The following DNAH6 variants were observed in gnomAD, a reference collection of about 807,000 sequenced individuals.
DNAH6 encodes the protein dynein axonemal heavy chain 6.
Under a neutral mutation model 491.4 loss-of-function variants are expected in DNAH6, and 340 were observed. That is an observed-to-expected ratio of 0.69 (90% CI 0.63 to 0.76). DNAH6 has a LOEUF of 0.76. Ranked by LOEUF, DNAH6 falls within the 30% of genes least tolerant of loss-of-function variation. The probability of loss-of-function intolerance (pLI) is 0.00; values close to 1 mark genes in which losing one functional copy is unlikely to be tolerated. For synonymous variants in DNAH6, 1,603 were observed against 1,686.1 expected (o/e 0.95, Z 1.21); for missense variants, 4,443 against 4,972.2 (o/e 0.89, Z 3.20).
At chr2:84,496,837 T>G in the DNAH6 span, among the ~76,000 whole-genome samples, 1 of 152,094 alleles carries the variant, frequency 6.6e-6, no homozygotes, top group Non-Finnish European at 1.5e-5. Flanking sequence ...TCCCCAAAAT[T>G]TTCTTGTTCC....
chr2:84,704,430 T>C (rs1478445346), intron 51 of DNAH6, 128 bp downstream of exon 51: 2 of 712,722 alleles, frequency 2.8e-6, no homozygotes, highest in Non-Finnish European at 4.6e-6. Flanking sequence ...ATTCAACAAA[T>C]TGATTCAAGG....
intron 42 of DNAH6, 30 bp from the exon 43 acceptor site, chr2:84,685,296 C>CTTT: frequency 3.7e-6 from 4 of 1,075,812 alleles, no homozygotes; most frequent in South Asian, 2.0e-5. Context: ...TAGAATTTTT[C>CTTT]TTTTTTTTTT....
rs146719226 is a variant in DNAH6 at position 84,741,404 on chromosome 2, A to G, written c.10343-3676A>G. Among the ~76,000 whole-genome samples the G allele has an allele frequency of 2.1e-3, 321 of 152,200 alleles. 3 individuals carry two copies. Among genetic ancestry groups the G allele is most frequent in the African/African-American group, 7.5e-3 (310 of 41,536 alleles). On this transcript the variant is annotated intron_variant, in intron 62 of 76. Coordinates refer to ENST00000389394, the MANE Select transcript of DNAH6 (RefSeq NM_001370.2). Reference sequence around the variant, plus strand: ...CAGAGCTGTGAGTATTGTCCTAGGTATGAGTAGGATGACCTGGTCTCCCTG... The same window carrying G: ...CAGAGCTGTGAGTATTGTCCTAGGTGTGAGTAGGATGACCTGGTCTCCCTG...
chr2:84,544,551 G>A, intron 5 of DNAH6, 51 bp downstream of exon 5: 1 of 1,071,886 alleles, frequency 9.3e-7, no homozygotes, highest in Non-Finnish European at 1.3e-6. Flanking sequence ...AAAAAAGAAA[G>A]TGTGAATCTA....
At chr2:84,810,783 C>A (rs1465111332) in intron 72 of DNAH6, among the ~76,000 whole-genome samples, 2 of 152,164 alleles carry the variant, frequency 1.3e-5, no homozygotes, top group Non-Finnish European at 2.9e-5. Context: ...ACAAGGCCAC[C>A]CTGTGTAGGC....
chr2:84,740,930 A>T (rs990545446), intron 62 of DNAH6, among the ~76,000 whole-genome samples: 22 of 152,164 alleles, frequency 1.4e-4, no homozygotes, highest in Non-Finnish European at 2.8e-4. Flanking sequence ...CAGAACAAGC[A>T]CTTTAATCTC....
intron 18 of DNAH6, among the ~76,000 whole-genome samples, chr2:84,598,177 T>TTCTTTCTTTCTTTCTC (rs1423135800): frequency 2.7e-5 from 2 of 75,454 alleles, no homozygotes; most frequent in Non-Finnish European, 6.7e-5. Flanking sequence ...CTTTCTTTCT[T>TTCTTTCTTTCTTTCTC]TCTCTCTTTC....
At chr2:84,502,012 C>T in the DNAH6 span, among the ~76,000 whole-genome samples, 89 of 151,842 alleles carry the variant, frequency 5.9e-4, no homozygotes, top group Non-Finnish European at 1.1e-3. Flanking sequence ...TTGTCTTCTT[C>T]GTTACAATTT....
intron 11 of DNAH6, among the ~76,000 whole-genome samples, chr2:84,558,299 G>A (rs554171866): frequency 1.3e-5 from 2 of 151,930 alleles, no homozygotes; most frequent in Admixed American, 6.5e-5. Flanking sequence ...GTGGTGGCGG[G>A]TGCCTGTAGT....
intron 60 of DNAH6, among the ~76,000 whole-genome samples, chr2:84,724,017 C>T (rs1307553446): frequency 6.6e-6 from 1 of 152,186 alleles, no homozygotes; most frequent in Non-Finnish European, 1.5e-5. Context: ...CTCAGCCCAC[C>T]CGACCAAAGC....
intron 18 of DNAH6, 84 bp downstream of exon 18, chr2:84,595,873 C>T: frequency 2.2e-6 from 3 of 1,336,710 alleles, no homozygotes. Flanking sequence ...AGGAATTTTT[C>T]CCTGATTAAG....
At chr2:84,504,657 ATAG>A in the DNAH6 span, among the ~76,000 whole-genome samples, 3 of 152,206 alleles carry the variant, frequency 2.0e-5, no homozygotes, top group African/African-American at 7.2e-5. Context: ...TTGCAGACTC[ATAG>A]AGGTACCTCC....
chr2:84,815,426 A>G (rs1386102083), intron 75 of DNAH6, among the ~76,000 whole-genome samples: 1 of 152,054 alleles, frequency 6.6e-6, no homozygotes, highest in Non-Finnish European at 1.5e-5. Flanking sequence ...ATCACATCAC[A>G]GGAATCTGAT....
At chr2:84,713,442 C>T (rs1697240742) in intron 57 of DNAH6, among the ~76,000 whole-genome samples, 183 bp downstream of exon 57, 1 of 152,208 alleles carries the variant, frequency 6.6e-6, no homozygotes. Flanking sequence ...GATTCTGATT[C>T]CAATCACCCT....
At chr2:84,539,646 T>C (rs1206719091) in intron 4 of DNAH6, among the ~76,000 whole-genome samples, 3 of 152,140 alleles carry the variant, frequency 2.0e-5, no homozygotes, top group African/African-American at 7.2e-5. Flanking sequence ...CCCTAGATGA[T>C]TTAACAGGCC....
In DNAH6 at chr2:84,680,983, A is replaced by G. The variant is rs185987779; in HGVS notation, c.6745-374A>G. On this transcript the variant is annotated intron_variant, in intron 41 of 76. Transcript: ENST00000389394. ...AAAATATACATGAAGATGAAAGTCT[A>G]TGAGAGTGGTGGTCATTCATCCATA... Among the ~76,000 whole-genome samples the G allele has an allele frequency of 4.5e-3, 679 of 152,268 alleles. 4 individuals are homozygous for G. The highest frequency in any genetic ancestry group is 6.8e-3 in the Middle Eastern group (2 of 294).
the DNAH6 span, among the ~76,000 whole-genome samples, chr2:84,501,175 T>C: frequency 2.0e-5 from 3 of 152,136 alleles, no homozygotes; most frequent in Admixed American, 2.0e-4. Flanking sequence ...TCATTTATGG[T>C]TTTTATTATG....
Position 84,525,600 on chromosome 2 carries a change from A to G in DNAH6, c.261A>G (p.Pro87=). The G allele has an allele frequency of 1.3e-6, 2 of 1,549,360 alleles. No homozygotes were observed. Among genetic ancestry groups the G allele is most frequent in the African/African-American group, 1.4e-5 (1 of 73,006 alleles). The stretch of plus-strand genomic sequence containing the variant: ...AAGTCTACCAAGATCATAAGCAGCC[A>G]GAATACATACATGAACAGAACCGAT... ...VLKVYQDHKQ[P]EYIHEQNRFQ... The change falls in exon 3 of 77, where the codon CCA becomes CCG. Residue 87 remains proline (P), a synonymous_variant. Transcript: ENST00000389394.
chr2:84,619,987 T>G, intron 24 of DNAH6, 83 bp downstream of exon 24: 1 of 1,182,918 alleles, frequency 8.5e-7, no homozygotes, highest in East Asian at 2.6e-5. Flanking sequence ...ATACAGGTAC[T>G]CTGTTGGCTC....
Sources: allele counts gnomAD v4.1 joint callset (sites outside exome capture counted in the v4.1 genomes callset), GRCh38; gene constraint gnomAD v4.1.1; transcripts MANE v1.5; gene names NCBI Gene and HGNC (gene_info 2026-07-23, HGNC 2026-07-21).